Variants in CLTC observed in about 807,000 individuals in gnomAD.
CLTC encodes the protein clathrin heavy chain.
In CLTC, 16 loss-of-function variants were observed where a neutral mutation model predicts 195.8. The ratio of observed to expected loss-of-function variants is 0.08; its 90% CI spans 0.06 to 0.12. The LOEUF is 0.12. Ranked by LOEUF, CLTC falls within the 10% of genes least tolerant of loss-of-function variation. CLTC has a pLI of 1.00. For synonymous variants in CLTC, 667 were observed against 689.4 expected (o/e 0.97, Z 0.51); for missense variants, 796 against 2,027.0 (o/e 0.39, Z 11.66).
Position 59,685,285 on chromosome 17 carries a change from T to C in CLTC, c.4605+59T>C, listed in dbSNP as rs1244380057. 9.0e-6 allele frequency: 13 copies of C among 1,447,338 alleles called. No homozygotes were observed. Among genetic ancestry groups the C allele is most frequent in the East Asian group, 2.3e-5 (1 of 42,562 alleles). The allele number at this position is 1,447,338 out of a possible 1,614,324, so 89.7% of individuals were successfully genotyped here. Reference sequence around the variant, plus strand: ...ACCAGGCCTAAAATGGTGTTACAAGTGATTATAATCTATAAATAAAAGTAT... The same window carrying C: ...ACCAGGCCTAAAATGGTGTTACAAGCGATTATAATCTATAAATAAAAGTAT... On this transcript the variant is annotated intron_variant, in intron 29 of 31. Transcript: ENST00000269122. The surrounding 1 kb of genome is among the most constrained non-coding windows in gnomAD (Gnocchi z 5.0).
intron 28 of CLTC, 55 bp downstream of exon 28, chr17:59,684,040 C>T: frequency 8.5e-7 from 1 of 1,173,270 alleles, no homozygotes; most frequent in Non-Finnish European, 1.2e-6. Flanking sequence ...TTATGTTTTC[C>T]CATTTTTTAA....
chr17:59,679,962 G>A (rs561106338), intron 18 of CLTC, among the ~76,000 whole-genome samples: 6 of 151,912 alleles, frequency 3.9e-5, no homozygotes, highest in African/African-American at 7.2e-5. Flanking sequence ...CAGGAAAATC[G>A]CTTGAACCCG....
At position 59,694,737 on chromosome 17, in the gene CLTC, A is replaced by G. The variant is rs940334656; in HGVS notation, c.*885A>G. The G allele has an allele frequency of 1.8e-5, 4 of 224,974 alleles. No individual in the cohort carries two copies. The highest frequency in any genetic ancestry group is 8.9e-5 in the African/African-American group (4 of 44,872). 13.9% of individuals were successfully genotyped at this position (224,974 alleles called of 1,614,324 possible). A position where few individuals can be genotyped will look rare whatever the true frequency, so the allele number is the denominator to read the frequency against. On this transcript the variant is annotated 3_prime_UTR_variant, in exon 32 of 32. Transcript: ENST00000269122. ...TGTTTGTGGAATTTGAAATTACTCAAATTTAAAATAAATTACTGGACTGTG... is the reference window on the plus strand; with the variant it reads ...TGTTTGTGGAATTTGAAATTACTCAGATTTAAAATAAATTACTGGACTGTG...
chr17:59,666,960 C>A lies in CLTC; in HGVS notation c.2111C>A (p.Ser704Tyr). 6.2e-7 allele frequency: 1 copy of A among 1,612,178 alleles called. No individual in the cohort carries two copies. The highest frequency in any genetic ancestry group is 1.1e-5 in the South Asian group (1 of 90,584). Reference sequence around the variant, plus strand: ...CAGTCTCTGATTGAACTTTTTGAATCTTTCAAGAGTTTTGAAGGTAATTAG... The same window carrying A: ...CAGTCTCTGATTGAACTTTTTGAATATTTCAAGAGTTTTGAAGGTAATTAG... ...STQSLIELFE[S>Y]FKSFEGLFYF... The change falls in exon 13 of 32, where the codon TCT becomes TAT. Residue 704 changes from serine to tyrosine, a missense_variant. By Grantham distance (144) the Ser-to-Tyr change is moderately radical. Around this residue, in one of 9 missense-constraint regions of CLTC, gnomAD observed 19 missense variants for 35.7 expected, o/e 0.53. Transcript: ENST00000269122. This position sits in a 1 kb window ranked among gnomAD's most constrained non-coding sequence, Gnocchi z 4.9.
At position 59,694,258 on chromosome 17, in the gene CLTC, T is replaced by C. The variant is rs1598252372; in HGVS notation, c.*406T>C. 4.6e-6 allele frequency: 1 copy of C among 218,028 alleles called. No homozygotes were observed. Among genetic ancestry groups the C allele is most frequent in the East Asian group, 6.9e-5 (1 of 14,452 alleles). 13.5% of individuals were successfully genotyped at this position (218,028 alleles called of 1,614,324 possible). A position where few individuals can be genotyped will look rare whatever the true frequency, so the allele number is the denominator to read the frequency against. On this transcript the variant is annotated 3_prime_UTR_variant, in exon 32 of 32. Coordinates refer to ENST00000269122, the MANE Select transcript of CLTC (RefSeq NM_004859.4). ...TACAAATACGTATTGTCTAAATGCA[T>C]TTAAATCTGTTTTATTCAAAGAAAA...
At chr17:59,693,244 A>C (rs896757267) in intron 31 of CLTC, among the ~76,000 whole-genome samples, 1 of 151,938 alleles carries the variant, frequency 6.6e-6, no homozygotes, top group African/African-American at 2.4e-5. Flanking sequence ...GCGCACACCC[A>C]TAATCCCAGC....
At chr17:59,674,592 T>G (rs2032924463) in intron 15 of CLTC, 109 bp from the exon 16 acceptor site, 1 of 1,040,702 alleles carries the variant, frequency 9.6e-7, no homozygotes, top group East Asian at 2.7e-5. Flanking sequence ...AAAACTGAAC[T>G]TAAAGAAAAA....
At position 59,693,906 on chromosome 17, in the gene CLTC, C is replaced by G; in HGVS notation, c.*54C>G. Reference sequence around the variant, plus strand: ...TTTTCGTACTGAAACATCGTCTTTACCCACTTCTCAGTTTATAATGGGGGA... The same window carrying G: ...TTTTCGTACTGAAACATCGTCTTTAGCCACTTCTCAGTTTATAATGGGGGA... On this transcript the variant is annotated 3_prime_UTR_variant, in exon 32 of 32. Transcript: ENST00000269122. 1 of 1,513,606 alleles carries G rather than the reference C, an allele frequency of 6.6e-7. No individual in the cohort carries two copies. Among genetic ancestry groups the G allele is most frequent in the South Asian group, 1.3e-5 (1 of 77,688 alleles). The allele number at this position is 1,513,606 out of a possible 1,614,324, so 93.8% of individuals were successfully genotyped here.
chr17:59,655,651 GT>G (rs2032448998), intron 5 of CLTC, among the ~76,000 whole-genome samples: 1 of 152,146 alleles, frequency 6.6e-6, no homozygotes, highest in African/African-American at 2.4e-5. Context: ...CCTCTTATCA[GT>G]TTCATGTTAT....
At chr17:59,651,539 C>T (rs1172631432) in intron 5 of CLTC, among the ~76,000 whole-genome samples, 1 of 152,080 alleles carries the variant, frequency 6.6e-6, no homozygotes, top group African/African-American at 2.4e-5. Context: ...AAGTAAATAC[C>T]ACAACAAAGT....
Position 59,683,058 on chromosome 17 carries a change from A to C in CLTC, c.3874-37A>C, listed in dbSNP as rs2033111761. On this transcript the variant is annotated intron_variant, in intron 24 of 31. Transcript: ENST00000269122. This position sits in a 1 kb window ranked among gnomAD's most constrained non-coding sequence, Gnocchi z 6.1. Reference sequence around the variant, plus strand: ...TATGACCTGAGATCTTTTACCATAGATATTCTTATCTTTAACTGCACATTT... The same window carrying C: ...TATGACCTGAGATCTTTTACCATAGCTATTCTTATCTTTAACTGCACATTT... 2 of 1,613,882 alleles carry C rather than the reference A, an allele frequency of 1.2e-6. No homozygotes were observed. Among genetic ancestry groups the C allele is most frequent in the Non-Finnish European group, 1.7e-6 (2 of 1,179,862 alleles).
At chr17:59,622,951 T>G (rs1028731089) in intron 1 of CLTC, among the ~76,000 whole-genome samples, 19 of 152,202 alleles carry the variant, frequency 1.2e-4, no homozygotes, top group African/African-American at 4.6e-4. Flanking sequence ...CCTAGACTGT[T>G]TAGACTGATA....
chr17:59,656,513 T>G (rs2032469128), intron 6 of CLTC, among the ~76,000 whole-genome samples: 1 of 152,160 alleles, frequency 6.6e-6, no homozygotes, highest in Non-Finnish European at 1.5e-5. Flanking sequence ...TATTACATGT[T>G]AGAAGGTGAT....
chr17:59,647,526 G>T lies in CLTC; in HGVS notation c.379G>T (p.Val127Phe). The change falls in exon 3 of 32, where the codon GTT becomes TTT. Residue 127 changes from valine (V) to phenylalanine (F), a missense_variant. By Grantham distance (50) the Val-to-Phe change is conservative. Transcript: ENST00000269122. ...GGTTGCTCTTGTTACGGATAATGCA[G>T]TTTATCACTGGAGTATGGAAGGAGA... ...NTVALVTDNA[V>F]YHWSMEGESQ... The T allele has an allele frequency of 6.2e-7, 1 of 1,614,148 alleles. No homozygotes were observed.
At position 59,666,349 on chromosome 17, in the gene CLTC, G is replaced by T; in HGVS notation, c.1782+109G>T. Reference sequence around the variant, plus strand: ...ACTGAGGGGCCTACTCCTTATTAAAGAAAATGTAGCTATTATAATATTCTT... The same window carrying T: ...ACTGAGGGGCCTACTCCTTATTAAATAAAATGTAGCTATTATAATATTCTT... On this transcript the variant is annotated intron_variant, in intron 11 of 31. Transcript: ENST00000269122. The surrounding 1 kb of genome is among the most constrained non-coding windows in gnomAD (Gnocchi z 4.9). 2 of 1,487,178 alleles carry T rather than the reference G, an allele frequency of 1.3e-6. No individual in the cohort carries two copies. Among genetic ancestry groups the T allele is most frequent in the South Asian group, 2.5e-5 (2 of 79,814 alleles). The allele number at this position is 1,487,178 out of a possible 1,614,324, so 92.1% of individuals were successfully genotyped here. A position where few individuals can be genotyped will look rare whatever the true frequency, so the allele number is the denominator to read the frequency against.
intron 1 of CLTC, among the ~76,000 whole-genome samples, chr17:59,642,289 A>T (rs529452524): frequency 6.6e-6 from 1 of 152,212 alleles, no homozygotes; most frequent in African/African-American, 2.4e-5. Context: ...TTTGAATTTA[A>T]TTTCACTATT....
rs368515369 is a variant in CLTC at position 59,619,898 on chromosome 17, C to A, written c.-234C>A. 376 of 500,862 alleles carry A rather than the reference C, an allele frequency of 7.5e-4. 3 individuals are homozygous for A. In the East Asian group the frequency reaches 0.011, roughly 15 times the overall value. 31.0% of individuals were successfully genotyped at this position (500,862 alleles called of 1,614,324 possible). A position where few individuals can be genotyped will look rare whatever the true frequency, so the allele number is the denominator to read the frequency against. The stretch of plus-strand genomic sequence containing the variant: ...CCGGGATCCTTCCGCTGGGCTCAGC[C>A]GTTTCCGGAGTCTGCGCTGCGCCCG... On this transcript the variant is annotated 5_prime_UTR_variant, in exon 1 of 32. Coordinates refer to ENST00000269122, the MANE Select transcript of CLTC (RefSeq NM_004859.4).
chr17:59,664,951 G>T, intron 10 of CLTC, 42 bp downstream of exon 10: 1 of 1,606,038 alleles, frequency 6.2e-7, no homozygotes. Context: ...TGATTGAAAT[G>T]GAGAGTGGGG....
chr17:59,693,703 T>C, intron 31 of CLTC, 25 bp from the exon 32 acceptor site: 2 of 1,604,364 alleles, frequency 1.2e-6, no homozygotes, highest in South Asian at 1.1e-5. Flanking sequence ...TGCCCCCTGC[T>C]CCTTTTTGTT....
Sources: gnomAD v4.1 joint callset for allele counts (sites outside exome capture counted in the v4.1 genomes callset) on GRCh38, gnomAD v4.1.1 for gene constraint, gnomAD v4.1.1 regional missense constraint, Gnocchi (gnomAD v3.1) non-coding constraint, MANE v1.5 for transcripts, NCBI Gene and HGNC (gene_info 2026-07-23, HGNC 2026-07-21) for gene names.